The following GALNT13 variants were observed in gnomAD, a reference collection of about 807,000 sequenced individuals.
GALNT13 encodes polypeptide N-acetylgalactosaminyltransferase 13, also known as UDP-GalNAc:polypeptide N-acetylgalactosaminyltransferase 13.
GALNT13 carries 28 observed loss-of-function variants against 64.2 expected under a neutral mutation model. The observed-to-expected ratio is 0.44, with a 90% CI of 0.32 to 0.60. The LOEUF (loss-of-function observed/expected upper bound fraction) is 0.60, where lower values mean the gene tolerates loss of function less well. Among genes scored for constraint, GALNT13 ranks in the 20% least tolerant of loss-of-function variants. The pLI, the probability that GALNT13 is intolerant of heterozygous loss-of-function variation, is 0.05. For synonymous variants in GALNT13, 214 were observed against 224.6 expected (o/e 0.95, Z 0.42); for missense variants, 577 against 669.8 (o/e 0.86, Z 1.53).
intron 4 of GALNT13, among the ~76,000 whole-genome samples, chr2:154,224,513 G>A (rs1282446612): frequency 6.6e-6 from 1 of 151,940 alleles, no homozygotes; most frequent in Non-Finnish European, 1.5e-5. Context: ...GGGAGAATTC[G>A]TCTTGCTGGA....
the GALNT13 span, among the ~76,000 whole-genome samples, chr2:153,387,955 A>G: frequency 6.6e-6 from 1 of 151,986 alleles, no homozygotes; most frequent in Admixed American, 6.6e-5. Flanking sequence ...TAGCATATAA[A>G]AATCCCTTCT....
At chr2:153,531,036 T>G in the GALNT13 span, among the ~76,000 whole-genome samples, 1 of 152,082 alleles carries the variant, frequency 6.6e-6, no homozygotes, top group Non-Finnish European at 1.5e-5. Context: ...AATGCACAAA[T>G]GGGATCATAT....
chr2:153,163,972 C>T, the GALNT13 span, among the ~76,000 whole-genome samples: 6 of 149,418 alleles, frequency 4.0e-5, no homozygotes, highest in South Asian at 2.1e-4. Flanking sequence ...GAGCCGAGAT[C>T]GCGCCACTGC....
At chr2:154,121,306 A>G (rs1006423069) in intron 3 of GALNT13, among the ~76,000 whole-genome samples, 2 of 152,120 alleles carry the variant, frequency 1.3e-5, no homozygotes, top group Non-Finnish European at 2.9e-5. Flanking sequence ...CTATTTTGCT[A>G]TCTTGCTGAT....
the GALNT13 span, among the ~76,000 whole-genome samples, chr2:153,756,643 G>C: frequency 8.5e-5 from 13 of 152,080 alleles, no homozygotes; most frequent in East Asian, 2.5e-3. Flanking sequence ...TTTTAATTAT[G>C]AGAAACATTT....
At chr2:153,422,286 A>G in the GALNT13 span, among the ~76,000 whole-genome samples, 5 of 152,242 alleles carry the variant, frequency 3.3e-5, no homozygotes, top group East Asian at 9.6e-4. Flanking sequence ...AGGCAGAAAA[A>G]GAATAATGAA....
chr2:153,577,486 G>T, the GALNT13 span, among the ~76,000 whole-genome samples: 1 of 152,042 alleles, frequency 6.6e-6, no homozygotes, highest in South Asian at 2.1e-4. Flanking sequence ...ATCAGAAGCA[G>T]AAAAATTGAT....
the GALNT13 span, among the ~76,000 whole-genome samples, chr2:153,739,840 T>C: frequency 2.0e-5 from 3 of 151,510 alleles, no homozygotes; most frequent in Non-Finnish European, 3.0e-5. Context: ...TTGTGGATAA[T>C]ATATCAGGTT....
the GALNT13 span, among the ~76,000 whole-genome samples, chr2:153,614,995 C>T: frequency 1.3e-5 from 2 of 151,866 alleles, no homozygotes; most frequent in Non-Finnish European, 1.5e-5. Flanking sequence ...TTATTGTTGC[C>T]GTTAACCATC....
the GALNT13 span, among the ~76,000 whole-genome samples, chr2:153,175,357 T>TG: frequency 6.6e-6 from 1 of 152,086 alleles, no homozygotes; most frequent in Non-Finnish European, 1.5e-5. Flanking sequence ...AGAGACAGAA[T>TG]GGGGGCAGGA....
At chr2:153,207,069 C>T in the GALNT13 span, among the ~76,000 whole-genome samples, 3 of 152,022 alleles carry the variant, frequency 2.0e-5, no homozygotes, top group South Asian at 2.1e-4. Context: ...ATACTATCCA[C>T]TGTTTATATT....
intron 3 of GALNT13, among the ~76,000 whole-genome samples, chr2:154,032,864 CTTTTTTT>C (rs70981694): frequency 1.8e-5 from 2 of 110,094 alleles, no homozygotes; most frequent in East Asian, 2.7e-4. Context: ...CCTACATTTC[CTTTTTTT>C]TTTTTTTTTT....
chr2:153,524,998 C>T, the GALNT13 span, among the ~76,000 whole-genome samples: 1 of 152,142 alleles, frequency 6.6e-6, no homozygotes, highest in East Asian at 1.9e-4. Flanking sequence ...CCCTTCCTAC[C>T]TCTTGATAGA....
chr2:153,417,153 C>G, the GALNT13 span, among the ~76,000 whole-genome samples: 1 of 152,122 alleles, frequency 6.6e-6, no homozygotes, highest in Non-Finnish European at 1.5e-5. Flanking sequence ...AGAAAAGAGA[C>G]AGTGCTAAAT....
chr2:153,799,824 G>A, the GALNT13 span, among the ~76,000 whole-genome samples: 7 of 152,034 alleles, frequency 4.6e-5, no homozygotes, highest in Admixed American at 6.6e-5. Context: ...CATAGGGCCC[G>A]GTCATTCAGC....
chr2:154,357,883 G>A (rs1326925123), intron 9 of GALNT13, among the ~76,000 whole-genome samples: 1 of 151,954 alleles, frequency 6.6e-6, no homozygotes, highest in Non-Finnish European at 1.5e-5. Context: ...CTAATTAAAT[G>A]ACTAAATCAA....
the GALNT13 span, among the ~76,000 whole-genome samples, chr2:153,438,034 C>G: frequency 6.6e-6 from 1 of 151,304 alleles, no homozygotes; most frequent in East Asian, 1.9e-4. Context: ...GTGACAAAAT[C>G]TCTCAGCATT....
At chr2:153,106,249 A>C in the GALNT13 span, among the ~76,000 whole-genome samples, 1 of 152,182 alleles carries the variant, frequency 6.6e-6, no homozygotes, top group African/African-American at 2.4e-5. Context: ...CCAAAAAATT[A>C]TGATAAATTA....
chr2:153,704,131 C>T, the GALNT13 span, among the ~76,000 whole-genome samples: 2 of 152,042 alleles, frequency 1.3e-5, no homozygotes, highest in Admixed American at 1.3e-4. Context: ...AAAAAAATGA[C>T]TCACTTTATA....
Sources: gnomAD v4.1 joint callset for allele counts (sites outside exome capture counted in the v4.1 genomes callset) on GRCh38, gnomAD v4.1.1 for gene constraint, MANE v1.5 for transcripts, NCBI Gene and HGNC (gene_info 2026-07-23, HGNC 2026-07-21) for gene names.